The following RPS6KC1 variants were observed in gnomAD, a reference collection of about 807,000 sequenced individuals.
The protein encoded by RPS6KC1 is inactive ribosomal protein S6 kinase delta-1.
In RPS6KC1, 54 loss-of-function variants were observed where a neutral mutation model predicts 103.8. That is an observed-to-expected ratio of 0.52 (90% CI 0.42 to 0.65). RPS6KC1 has a LOEUF of 0.65. Among genes scored for constraint, RPS6KC1 ranks in the 30% least tolerant of loss-of-function variants. RPS6KC1 has a pLI of 0.00. For missense variants in RPS6KC1, 1,151 were observed against 1,253.8 expected (o/e 0.92, Z 1.24); for synonymous variants, 439 against 438.7 (o/e 1.00, Z -0.01).
the RPS6KC1 span, among the ~76,000 whole-genome samples, chr1:213,537,007 C>T: frequency 1.3e-5 from 2 of 152,186 alleles, no homozygotes; most frequent in African/African-American, 4.8e-5. Flanking sequence ...GACAACATAT[C>T]CACCTTACAT....
the RPS6KC1 span, among the ~76,000 whole-genome samples, chr1:213,744,313 TAAAAA>T: frequency 1.3e-5 from 2 of 151,474 alleles, no homozygotes; most frequent in Non-Finnish European, 2.9e-5. Flanking sequence ...ATAAAAAAAA[TAAAAA>T]AAACCTCTAT....
At chr1:213,726,281 C>T in the RPS6KC1 span, among the ~76,000 whole-genome samples, 1 of 152,132 alleles carries the variant, frequency 6.6e-6, no homozygotes, top group Non-Finnish European at 1.5e-5. Flanking sequence ...AGAGGGGTTG[C>T]CCAGGTTGGT....
the RPS6KC1 span, among the ~76,000 whole-genome samples, chr1:213,581,241 C>A: frequency 6.6e-6 from 1 of 152,014 alleles, no homozygotes; most frequent in Non-Finnish European, 1.5e-5. Flanking sequence ...AGAGATGCAG[C>A]CTCGCCGGAT....
intron 6 of RPS6KC1, among the ~76,000 whole-genome samples, chr1:213,157,028 T>C (rs1191670238): frequency 6.6e-6 from 1 of 152,170 alleles, no homozygotes; most frequent in East Asian, 1.9e-4. Flanking sequence ...TTGTTTTCAA[T>C]GTTGGTGTTT....
intron 1 of RPS6KC1, among the ~76,000 whole-genome samples, chr1:213,060,881 T>C (rs1190147905): frequency 2.0e-5 from 3 of 152,136 alleles, no homozygotes; most frequent in Non-Finnish European, 2.9e-5. Flanking sequence ...TCTTTGTCAG[T>C]TTGGATTTTT....
At chr1:213,317,117 A>T in the RPS6KC1 span, among the ~76,000 whole-genome samples, 1 of 152,244 alleles carries the variant, frequency 6.6e-6, no homozygotes, top group Non-Finnish European at 1.5e-5. Context: ...TGGCTACTGT[A>T]TTGAGAATAT....
the RPS6KC1 span, among the ~76,000 whole-genome samples, chr1:213,728,937 GTTTTTTTTTTGTT>G: frequency 5.5e-4 from 51 of 93,438 alleles, 1 homozygote; most frequent in African/African-American, 2.0e-3. Context: ...GAACATGAGG[GTTTTTTTTTTGTT>G]TTTTTTTTTT....
chr1:213,080,335 G>A (rs1049221111), intron 3 of RPS6KC1, among the ~76,000 whole-genome samples: 1 of 152,054 alleles, frequency 6.6e-6, no homozygotes, highest in Non-Finnish European at 1.5e-5. Flanking sequence ...TAGTTCTTCT[G>A]TTGACTTTAT....
chr1:213,704,403 A>C, the RPS6KC1 span, among the ~76,000 whole-genome samples: 211 of 151,028 alleles, frequency 1.4e-3, no homozygotes, highest in Non-Finnish European at 1.9e-3. Flanking sequence ...AAAAAAAAAA[A>C]AAAAAAAAAC....
chr1:213,258,564 G>A (rs560799990), intron 12 of RPS6KC1, among the ~76,000 whole-genome samples: 3 of 152,296 alleles, frequency 2.0e-5, no homozygotes, highest in Non-Finnish European at 4.4e-5. Context: ...CTTCATGTGT[G>A]TTGGTTGAAT....
the RPS6KC1 span, among the ~76,000 whole-genome samples, chr1:213,696,356 G>A: frequency 1.1e-4 from 17 of 152,110 alleles, no homozygotes; most frequent in South Asian, 2.7e-3. Flanking sequence ...AAAAAAATTA[G>A]CCAGGCATGG....
At chr1:213,409,737 C>G in the RPS6KC1 span, among the ~76,000 whole-genome samples, 2 of 152,176 alleles carry the variant, frequency 1.3e-5, no homozygotes, top group Admixed American at 6.5e-5. Context: ...CTCTGTGTAA[C>G]AGGGCTGGAT....
intron 8 of RPS6KC1, among the ~76,000 whole-genome samples, chr1:213,228,319 G>A (rs1402205926): frequency 6.6e-6 from 1 of 152,184 alleles, no homozygotes; most frequent in East Asian, 1.9e-4. Context: ...ATCCTCACAA[G>A]TGTTAGATAC....
At chr1:213,385,858 C>T in the RPS6KC1 span, among the ~76,000 whole-genome samples, 9 of 152,268 alleles carry the variant, frequency 5.9e-5, no homozygotes, top group Admixed American at 5.9e-4. Context: ...CGACTGGTGG[C>T]CTTCCAGGAA....
chr1:213,142,298 A>G lies in RPS6KC1; in HGVS notation c.835+12409A>G, dbSNP rs528391500. Among the ~76,000 whole-genome samples the G allele has an allele frequency of 2.0e-5, 3 of 152,072 alleles. No individual in the cohort carries two copies. In the South Asian group the frequency reaches 6.2e-4, roughly 32 times the overall value. ...GTGACATGGGTCTCTTGAAGATAGG[A>G]TATAGTTGGGTCTTGCTGTTTATCC... On this transcript the variant is annotated intron_variant, in intron 6 of 14. Transcript: ENST00000366960.
the RPS6KC1 span, among the ~76,000 whole-genome samples, chr1:213,312,029 C>T: frequency 6.6e-6 from 1 of 151,884 alleles, no homozygotes; most frequent in East Asian, 1.9e-4. Flanking sequence ...TCCCAAGTAG[C>T]TGAGACTACA....
chr1:213,705,862 G>A, the RPS6KC1 span, among the ~76,000 whole-genome samples: 1 of 152,198 alleles, frequency 6.6e-6, no homozygotes, highest in African/African-American at 2.4e-5. Context: ...CTGGCCCAGG[G>A]TGTATCTAGA....
At chr1:213,271,058 C>T (rs1241680286) in intron 14 of RPS6KC1, among the ~76,000 whole-genome samples, 1 of 152,154 alleles carries the variant, frequency 6.6e-6, no homozygotes, top group Non-Finnish European at 1.5e-5. Flanking sequence ...CATTATGTGA[C>T]CCAGCAATTC....
the RPS6KC1 span, among the ~76,000 whole-genome samples, chr1:213,597,567 A>G: frequency 2.0e-5 from 3 of 152,230 alleles, no homozygotes; most frequent in Non-Finnish European, 4.4e-5. Flanking sequence ...GTTCAGCAGG[A>G]CGATCCATGG....
Sources: allele counts gnomAD v4.1 joint callset (sites outside exome capture counted in the v4.1 genomes callset), GRCh38; gene constraint gnomAD v4.1.1; transcripts MANE v1.5; gene names NCBI Gene and HGNC (gene_info 2026-07-23, HGNC 2026-07-21).